Variants in SHB observed in about 807,000 individuals in gnomAD.
SHB encodes SH2 domain-containing adapter protein B.
SHB carries 20 observed loss-of-function variants against 52.3 expected under a neutral mutation model. That is an observed-to-expected ratio of 0.38 (90% CI 0.27 to 0.56). The LOEUF is 0.56. Ranked by LOEUF, SHB falls within the 20% of genes least tolerant of loss-of-function variation. The pLI, the probability that SHB is intolerant of heterozygous loss-of-function variation, is 0.71. For missense variants in SHB, 825 were observed against 723.3 expected (o/e 1.14, Z -1.61); for synonymous variants, 397 against 316.5 (o/e 1.25, Z -2.70).
At chr9:37,924,506 G>C (rs1167082424) in intron 5 of SHB, among the ~76,000 whole-genome samples, 1 of 152,156 alleles carries the variant, frequency 6.6e-6, no homozygotes, top group East Asian at 1.9e-4. Flanking sequence ...ATTGGCCTTT[G>C]GGACTAATGT....
intron 1 of SHB, among the ~76,000 whole-genome samples, chr9:38,066,472 G>A (rs1821961877): frequency 6.6e-6 from 1 of 152,210 alleles, no homozygotes; most frequent in African/African-American, 2.4e-5. Context: ...CACAGGCCCA[G>A]GGTCCTGGTG....
intron 1 of SHB, among the ~76,000 whole-genome samples, chr9:38,016,631 GCCT>G (rs1452696771): frequency 1.3e-5 from 2 of 152,146 alleles, no homozygotes; most frequent in Admixed American, 1.3e-4. Context: ...ACATAACCAC[GCCT>G]TGGGTCATCA....
At chr9:37,949,688 G>T (rs1832542208) in intron 4 of SHB, among the ~76,000 whole-genome samples, 1 of 152,192 alleles carries the variant, frequency 6.6e-6, no homozygotes, top group Admixed American at 6.5e-5. Context: ...CCATCAGAGG[G>T]TGCTGATGGG....
intron 3 of SHB, among the ~76,000 whole-genome samples, chr9:37,959,087 G>C (rs187936219): frequency 2.0e-5 from 3 of 152,288 alleles, no homozygotes; most frequent in East Asian, 1.9e-4. Flanking sequence ...GTGGAGGGTG[G>C]GTTTGGGGTC....
intron 1 of SHB, among the ~76,000 whole-genome samples, chr9:38,031,248 G>A (rs1821408359): frequency 6.6e-6 from 1 of 152,132 alleles, no homozygotes; most frequent in African/African-American, 2.4e-5. Context: ...TTGAACCCGG[G>A]AGGCAGAGGT....
chr9:38,051,212 C>A (rs1001127905), intron 1 of SHB, among the ~76,000 whole-genome samples: 1 of 151,966 alleles, frequency 6.6e-6, no homozygotes, highest in Non-Finnish European at 1.5e-5. Context: ...GAAGGCGAGG[C>A]GGGCAGATCA....
intron 5 of SHB, among the ~76,000 whole-genome samples, chr9:37,947,764 C>G (rs916940700): frequency 1.3e-5 from 2 of 152,230 alleles, no homozygotes; most frequent in African/African-American, 4.8e-5. Context: ...CCGGCTCTCC[C>G]TCCCATGGCC....
chr9:38,014,277 C>G (rs60165637), intron 2 of SHB, among the ~76,000 whole-genome samples: 8,378 of 152,294 alleles, frequency 0.055, 555 homozygotes, highest in African/African-American at 0.16. Flanking sequence ...AACCACTGCT[C>G]CTTTAAACCG....
chr9:38,002,710 T>G (rs944410655), intron 2 of SHB, among the ~76,000 whole-genome samples: 1 of 152,228 alleles, frequency 6.6e-6, no homozygotes, highest in Non-Finnish European at 1.5e-5. Flanking sequence ...AAGGTTCTAA[T>G]GCCCAAGTTC....
At chr9:37,928,053 A>G (rs1394022524) in intron 5 of SHB, among the ~76,000 whole-genome samples, 1 of 152,010 alleles carries the variant, frequency 6.6e-6, no homozygotes, top group African/African-American at 2.4e-5. Flanking sequence ...CGCTTCCCCA[A>G]AGGGAGGAAG....
rs1437375336 is a variant in SHB, at chr9:38,068,331, T to G, written c.315A>C (p.Lys105Asn). 6.5e-7 allele frequency: 1 copy of G among 1,541,416 alleles called. No homozygotes were observed. Among genetic ancestry groups the G allele is most frequent in the Admixed American group, 2.0e-5 (1 of 51,222 alleles). The change falls in exon 1 of 6, where the codon AAA (lysine) becomes AAC (asparagine). Residue 105 changes from lysine (K) to asparagine (N), a missense_variant. Coordinates refer to ENST00000377707, the MANE Select transcript of SHB (RefSeq NM_003028.3). Reference protein sequence around the residue: ...PYNGPGSSLRKLRAMCRLDYC... With the variant: ...PYNGPGSSLRNLRAMCRLDYC... ...AGTCCAGGCGGCACATGGCGCGCAG[T>G]TTGCGCAGCGACGAGCCAGGCCCGT...
chr9:38,052,153 C>A (rs1821759149), intron 1 of SHB, among the ~76,000 whole-genome samples: 3 of 152,148 alleles, frequency 2.0e-5, no homozygotes, highest in Admixed American at 2.0e-4. Flanking sequence ...TGGGAGAGCT[C>A]CATCTCAAGG....
intron 2 of SHB, among the ~76,000 whole-genome samples, chr9:37,998,987 AG>A (rs1166243598): frequency 1.3e-5 from 2 of 152,222 alleles, no homozygotes; most frequent in Non-Finnish European, 1.5e-5. Context: ...GGAACTCAAG[AG>A]CAAGGCAGAA....
intron 2 of SHB, 125 bp from the exon 3 acceptor site, chr9:37,974,962 C>T: frequency 2.4e-6 from 2 of 817,396 alleles, no homozygotes; most frequent in South Asian, 3.0e-5. Flanking sequence ...GAGAGACAGA[C>T]CCCTGTCTGG....
At chr9:38,064,042 T>C (rs1821930405) in intron 1 of SHB, among the ~76,000 whole-genome samples, 1 of 151,990 alleles carries the variant, frequency 6.6e-6, no homozygotes, top group African/African-American at 2.4e-5. Context: ...TGAGACCTGT[T>C]TGGCTGCACA....
At chr9:37,990,717 ACAGAATGAAGGGAGCC>A (rs1225013982) in intron 2 of SHB, among the ~76,000 whole-genome samples, 5 of 152,214 alleles carry the variant, frequency 3.3e-5, no homozygotes, top group African/African-American at 4.8e-5. Context: ...AAATTTTGCT[ACAGAATGAAGGGAGCC>A]CAGAATGAAG....
At chr9:37,947,045 C>T (rs781149216) in intron 5 of SHB, among the ~76,000 whole-genome samples, 54 of 152,196 alleles carry the variant, frequency 3.5e-4, no homozygotes, top group Admixed American at 5.2e-4. Context: ...AGTCCAATTC[C>T]GCTCCTCTGG....
At chr9:37,981,601 C>CT (rs1820725108) in intron 2 of SHB, among the ~76,000 whole-genome samples, 1 of 152,136 alleles carries the variant, frequency 6.6e-6, no homozygotes, top group Admixed American at 6.5e-5. Context: ...CACAACCTGG[C>CT]TAACTATTCG....
In SHB at chr9:37,984,722, A is replaced by C. The variant is rs1161920432; in HGVS notation, c.839-9885T>G. Among the ~76,000 whole-genome samples, 6 of 152,132 alleles carry C rather than the reference A, an allele frequency of 3.9e-5. No homozygotes were observed. In the South Asian group the frequency reaches 1.0e-3, roughly 26 times the overall value. On this transcript the variant is annotated intron_variant, in intron 2 of 5. Coordinates refer to ENST00000377707, the MANE Select transcript of SHB (RefSeq NM_003028.3). ...GCGGGAGTGCCAGGCGGTTCTTCCT[A>C]ATTAGACACGCCGCAAAACCAGCCA...
Sources: allele counts gnomAD v4.1 joint callset (sites outside exome capture counted in the v4.1 genomes callset), GRCh38; gene constraint gnomAD v4.1.1; transcripts MANE v1.5; gene names NCBI Gene and HGNC (gene_info 2026-07-23, HGNC 2026-07-21).